The following ATG13 variants were observed in gnomAD, a reference collection of about 807,000 sequenced individuals.
The protein encoded by ATG13 is autophagy-related protein 13.
ATG13 carries 23 observed loss-of-function variants against 65.5 expected under a neutral mutation model. The ratio of observed to expected loss-of-function variants is 0.35; its 90% CI spans 0.25 to 0.50. The LOEUF (loss-of-function observed/expected upper bound fraction) is 0.50, where lower values mean the gene tolerates loss of function less well. ATG13 is among the 20% of genes least tolerant of loss of function. The pLI is 0.98. For missense variants in ATG13, 566 were observed against 677.0 expected (o/e 0.84, Z 1.82); for synonymous variants, 252 against 245.2 (o/e 1.03, Z -0.26).
intron 2 of ATG13, among the ~76,000 whole-genome samples, chr11:46,635,482 T>A (rs1226589838): frequency 6.6e-6 from 1 of 152,162 alleles, no homozygotes; most frequent in Non-Finnish European, 1.5e-5. Flanking sequence ...ATCTCTTTTT[T>A]AAAAAATTGC....
intron 2 of ATG13, among the ~76,000 whole-genome samples, chr11:46,641,408 A>G (rs1433185535): frequency 6.6e-6 from 1 of 152,188 alleles, no homozygotes; most frequent in Non-Finnish European, 1.5e-5. Flanking sequence ...TTCATGAGAT[A>G]GGGTACTATG....
At chr11:46,656,394 AG>A (rs1181152703) in intron 8 of ATG13, 121 bp downstream of exon 8, 1 of 1,010,550 alleles carries the variant, frequency 9.9e-7, no homozygotes, top group Middle Eastern at 2.3e-4. Flanking sequence ...ATACAAGTAA[AG>A]AAAAGATGAG....
intron 7 of ATG13, among the ~76,000 whole-genome samples, chr11:46,655,121 C>T (rs1370348342): frequency 1.3e-5 from 2 of 150,850 alleles, no homozygotes; most frequent in African/African-American, 4.9e-5. Context: ...AAAACAGGTC[C>T]GGGCGCAGTG....
At chr11:46,625,104 G>A (rs752902152) in intron 1 of ATG13, among the ~76,000 whole-genome samples, 1 of 150,806 alleles carries the variant, frequency 6.6e-6, no homozygotes, top group Non-Finnish European at 1.5e-5. Flanking sequence ...AAGATGGGAG[G>A]ATCACTTGAA....
chr11:46,652,461 T>C (rs2059119833), intron 7 of ATG13, among the ~76,000 whole-genome samples: 1 of 152,084 alleles, frequency 6.6e-6, no homozygotes, highest in African/African-American at 2.4e-5. Context: ...ACGCCTATAA[T>C]CCCAGCACTT....
At chr11:46,625,276 T>TC (rs1455202708) in intron 1 of ATG13, 2 of 145,532 alleles carry the variant, frequency 1.4e-5, no homozygotes, top group East Asian at 3.9e-4. Flanking sequence ...TTTCTTTTTT[T>TC]TTTTTTTTTT....
chr11:46,622,108 TATATATATATATA>T (rs2047821008), intron 1 of ATG13, among the ~76,000 whole-genome samples: 10 of 121,412 alleles, frequency 8.2e-5, no homozygotes, highest in African/African-American at 2.9e-4. Context: ...TATATATATA[TATATATATATATA>T]TATATATTTA....
chr11:46,626,573 A>G (rs951589615), intron 1 of ATG13, among the ~76,000 whole-genome samples: 12 of 152,218 alleles, frequency 7.9e-5, no homozygotes, highest in African/African-American at 2.2e-4. Flanking sequence ...CTGAGCCCCA[A>G]TATCAGTATG....
chr11:46,661,893 G>A (rs888368026), intron 11 of ATG13, among the ~76,000 whole-genome samples: 1 of 152,180 alleles, frequency 6.6e-6, no homozygotes, highest in East Asian at 1.9e-4. Flanking sequence ...GTTAATGTCT[G>A]TGATTGATGT....
intron 17 of ATG13, 57 bp downstream of exon 17, chr11:46,668,967 C>A: frequency 7.5e-7 from 1 of 1,335,080 alleles, no homozygotes; most frequent in Non-Finnish European, 1.1e-6. Flanking sequence ...GACCTAGAAG[C>A]ATCTACTGCA....
intron 2 of ATG13, chr11:46,632,344 G>C (rs1457448230): frequency 6.6e-6 from 1 of 152,164 alleles, no homozygotes; most frequent in Non-Finnish European, 1.5e-5. Context: ...TTAATAACAA[G>C]ATAGTAAGCA....
Position 46,665,431 on chromosome 11 carries a change from C to T in ATG13, c.1048C>T (p.Pro350Ser), listed in dbSNP as rs1470538459. 2.5e-6 allele frequency: 4 copies of T among 1,614,086 alleles called. No homozygotes were observed. The highest frequency in any genetic ancestry group is 2.2e-5 in the East Asian group (1 of 44,890). ...EGGVPLAPNQ[P>S]VHGTQADQER... Reference sequence around the variant, plus strand: ...TGGGGTACCCCTTGCTCCCAACCAGCCTGTCCATGGTACCCAGGCTGACCA... The same window carrying T: ...TGGGGTACCCCTTGCTCCCAACCAGTCTGTCCATGGTACCCAGGCTGACCA... The change falls in exon 14 of 19, where the codon CCT becomes TCT. Residue 350 changes from proline (P) to serine (S), a missense_variant. Coordinates refer to ENST00000683050, the MANE Select transcript of ATG13 (RefSeq NM_001346311.2).
intron 1 of ATG13, chr11:46,618,142 C>T (rs556863107): frequency 2.7e-6 from 1 of 369,250 alleles, no homozygotes; most frequent in South Asian, 1.5e-4. Context: ...GTTAGGTCGT[C>T]AGGCGTTTTG....
rs1000892722 is a variant in ATG13, at chr11:46,672,965, G to T, written c.*633G>T. Reference sequence around the variant, plus strand: ...CACTCCCACCCCTGAAGGTCGGGAGGGTCTGAGCAGCCCTGGTGGCTGCCT... The same window carrying T: ...CACTCCCACCCCTGAAGGTCGGGAGTGTCTGAGCAGCCCTGGTGGCTGCCT... On this transcript the variant is annotated 3_prime_UTR_variant, in exon 19 of 19. Transcript: ENST00000683050. The T allele has an allele frequency of 5.4e-5, 24 of 448,226 alleles. No individual in the cohort carries two copies. Among genetic ancestry groups the T allele is most frequent in the Non-Finnish European group, 8.3e-5 (23 of 277,056 alleles). 27.8% of individuals were successfully genotyped at this position (448,226 alleles called of 1,614,324 possible).
At chr11:46,666,089 G>A (rs1341336694) in intron 14 of ATG13, among the ~76,000 whole-genome samples, 2 of 152,118 alleles carry the variant, frequency 1.3e-5, no homozygotes, top group East Asian at 3.8e-4. Context: ...TTACAGGCGT[G>A]AGCCACCACG....
rs1218779812 is a variant in ATG13, at chr11:46,672,880, C to G, written c.*548C>G. The G allele has an allele frequency of 1.4e-5, 15 of 1,078,702 alleles. No homozygotes were observed. In the South Asian group the frequency reaches 1.7e-4, roughly 12 times the overall value. The allele number at this position is 1,078,702 out of a possible 1,614,324, so 66.8% of individuals were successfully genotyped here. On this transcript the variant is annotated 3_prime_UTR_variant, in exon 19 of 19. Transcript: ENST00000683050. ...TCTCCTCTTCTTCTCTCTCTTGCCT[C>G]TATGCCTGTATTTCTGGCAATATGA... is the stretch of plus-strand genomic sequence containing the variant.
At chr11:46,643,394 C>T (rs1024959340) in intron 2 of ATG13, among the ~76,000 whole-genome samples, 1 of 152,120 alleles carries the variant, frequency 6.6e-6, no homozygotes, top group Non-Finnish European at 1.5e-5. Flanking sequence ...AAACATGACA[C>T]CCCTCAGCTG....
intron 5 of ATG13, among the ~76,000 whole-genome samples, chr11:46,647,732 T>A (rs1463809537): frequency 6.7e-6 from 1 of 149,482 alleles, no homozygotes; most frequent in Non-Finnish European, 1.5e-5. Context: ...CCACCACACA[T>A]GGCTAATGTT....
At chr11:46,630,291 G>A (rs2051231269) in intron 2 of ATG13, among the ~76,000 whole-genome samples, 191 bp downstream of exon 2, 1 of 152,186 alleles carries the variant, frequency 6.6e-6, no homozygotes, top group Non-Finnish European at 1.5e-5. Context: ...CAGCCTGGGA[G>A]TGAAATGAAG....
Sources: gnomAD v4.1 joint callset for allele counts (sites outside exome capture counted in the v4.1 genomes callset) on GRCh38, gnomAD v4.1.1 for gene constraint, MANE v1.5 for transcripts, NCBI Gene and HGNC (gene_info 2026-07-23, HGNC 2026-07-21) for gene names.